PDE4B: variants seen among roughly 807,000 people sequenced by gnomAD.
PDE4B encodes the protein phosphodiesterase 4B, also known as 3',5'-cyclic-AMP phosphodiesterase 4B.
PDE4B carries 20 observed loss-of-function variants against 82.2 expected under a neutral mutation model. The ratio of observed to expected loss-of-function variants is 0.24; its 90% CI spans 0.17 to 0.35. PDE4B has a LOEUF of 0.35. Among genes scored for constraint, PDE4B ranks in the 10% least tolerant of loss-of-function variants. PDE4B has a pLI of 1.00. For synonymous variants in PDE4B, 320 were observed against 318.9 expected (o/e 1.00, Z -0.04); for missense variants, 655 against 907.2 (o/e 0.72, Z 3.57).
intron 1 of PDE4B, among the ~76,000 whole-genome samples, chr1:65,856,615 A>G (rs1055247414): frequency 6.6e-6 from 1 of 152,148 alleles, no homozygotes; most frequent in Non-Finnish European, 1.5e-5. Context: ...AGTCTTTGCT[A>G]TTGTAAATAG....
At chr1:66,307,581 G>A (rs1374073887) in intron 7 of PDE4B, among the ~76,000 whole-genome samples, 1 of 152,112 alleles carries the variant, frequency 6.6e-6, no homozygotes, top group Admixed American at 6.6e-5. Context: ...GTGAATAGTG[G>A]AAATGTCTTG....
intron 2 of PDE4B, 24 bp downstream of exon 2, chr1:65,913,380 A>T: frequency 6.2e-7 from 1 of 1,611,210 alleles, no homozygotes; most frequent in Non-Finnish European, 8.5e-7. Flanking sequence ...GGTCCCAATC[A>T]TGTTTGGTCT....
intron 7 of PDE4B, among the ~76,000 whole-genome samples, chr1:66,290,615 T>A (rs1056976785): frequency 2.0e-5 from 3 of 152,226 alleles, no homozygotes; most frequent in Admixed American, 6.5e-5. Flanking sequence ...GCAAATGGAT[T>A]TTCCACAGCA....
chr1:66,310,094 G>A (rs1658563055), intron 7 of PDE4B, among the ~76,000 whole-genome samples: 1 of 152,164 alleles, frequency 6.6e-6, no homozygotes, highest in South Asian at 2.1e-4. Context: ...GAGGGCCTCT[G>A]ATAGAGGAAC....
rs948532978 is a variant in PDE4B, at chr1:66,191,465, G to A, written c.282-55995G>A. On this transcript the variant is annotated intron_variant, in intron 3 of 16. Transcript: ENST00000341517. ...TTATTAGTAAAATTCATTTTACAATGTATATTTAAAAATTAGCAGAAATTA... is the reference window on the plus strand; with the variant it reads ...TTATTAGTAAAATTCATTTTACAATATATATTTAAAAATTAGCAGAAATTA... Among the ~76,000 whole-genome samples the A allele has an allele frequency of 2.6e-5, 4 of 152,238 alleles. No homozygotes were observed. In the South Asian group the frequency reaches 8.3e-4, roughly 32 times the overall value.
chr1:66,184,679 C>T (rs1331027856), intron 3 of PDE4B, among the ~76,000 whole-genome samples: 1 of 152,048 alleles, frequency 6.6e-6, no homozygotes, highest in Non-Finnish European at 1.5e-5. Flanking sequence ...TTAAATATAA[C>T]GAGGTGTAGA....
chr1:66,286,441 A>G (rs1453536081), intron 7 of PDE4B, among the ~76,000 whole-genome samples: 1 of 152,106 alleles, frequency 6.6e-6, no homozygotes, highest in African/African-American at 2.4e-5. Context: ...TTTTTCCTGC[A>G]TTACTTTCTA....
chr1:66,287,040 T>A (rs143054711), intron 7 of PDE4B, among the ~76,000 whole-genome samples: 32 of 152,270 alleles, frequency 2.1e-4, no homozygotes, highest in African/African-American at 7.5e-4. Flanking sequence ...TGACTATGTG[T>A]GTAGCAGGGT....
At chr1:66,176,353 A>G (rs80340084) in intron 3 of PDE4B, among the ~76,000 whole-genome samples, 2 of 152,184 alleles carry the variant, frequency 1.3e-5, no homozygotes, top group African/African-American at 4.8e-5. Context: ...AGGTCCATCC[A>G]CTCTTGGAAC....
At chr1:65,825,325 G>A (rs1279115040) in intron 1 of PDE4B, among the ~76,000 whole-genome samples, 3 of 152,180 alleles carry the variant, frequency 2.0e-5, no homozygotes, top group Non-Finnish European at 4.4e-5. Flanking sequence ...AAACAATGAG[G>A]TGGTGGAACA....
chr1:65,944,041 A>G (rs1648577400), intron 3 of PDE4B, among the ~76,000 whole-genome samples: 1 of 152,034 alleles, frequency 6.6e-6, no homozygotes, highest in Non-Finnish European at 1.5e-5. Context: ...AGAAGTGGTG[A>G]GAGTGGGCAT....
intron 7 of PDE4B, among the ~76,000 whole-genome samples, chr1:66,271,645 C>T (rs1655487765): frequency 6.6e-6 from 1 of 152,114 alleles, no homozygotes; most frequent in Non-Finnish European, 1.5e-5. Context: ...TAGTTCCGGC[C>T]TTTCTTTCTC....
intron 3 of PDE4B, among the ~76,000 whole-genome samples, chr1:65,927,513 TA>T (rs1477494627): frequency 2.0e-5 from 3 of 147,680 alleles, no homozygotes; most frequent in African/African-American, 7.4e-5. Flanking sequence ...ATAATATATG[TA>T]AATATATATA....
intron 1 of PDE4B, among the ~76,000 whole-genome samples, chr1:65,900,142 T>C (rs751938763): frequency 6.6e-5 from 10 of 152,164 alleles, no homozygotes; most frequent in Non-Finnish European, 1.3e-4. Context: ...TTGTATGTGA[T>C]GAAATGTAGG....
At chr1:66,187,341 G>T (rs993546913) in intron 3 of PDE4B, among the ~76,000 whole-genome samples, 1 of 151,994 alleles carries the variant, frequency 6.6e-6, no homozygotes, top group Non-Finnish European at 1.5e-5. Flanking sequence ...GATGATGCTG[G>T]CCGCATAAAA....
intron 3 of PDE4B, among the ~76,000 whole-genome samples, chr1:66,008,542 T>C (rs1652286063): frequency 6.6e-6 from 1 of 152,142 alleles, no homozygotes. Context: ...TATCCATTTA[T>C]AAACATGCTA....
At chr1:66,208,879 T>C (rs1392882625) in intron 3 of PDE4B, among the ~76,000 whole-genome samples, 1 of 152,200 alleles carries the variant, frequency 6.6e-6, no homozygotes, top group Admixed American at 6.5e-5. Flanking sequence ...GATTATTGTA[T>C]ACACTCCCAT....
intron 1 of PDE4B, among the ~76,000 whole-genome samples, chr1:65,848,767 A>C (rs1646296174): frequency 6.6e-6 from 1 of 152,182 alleles, no homozygotes; most frequent in Non-Finnish European, 1.5e-5. Flanking sequence ...ATATATGACA[A>C]ATCATTCATC....
intron 3 of PDE4B, among the ~76,000 whole-genome samples, chr1:66,184,985 C>A (rs941265626): frequency 2.6e-5 from 4 of 152,046 alleles, no homozygotes; most frequent in Non-Finnish European, 4.4e-5. Context: ...GCTATCCCTC[C>A]CCCCTCCTCC....
Sources: gnomAD v4.1 joint callset for allele counts (sites outside exome capture counted in the v4.1 genomes callset) on GRCh38, gnomAD v4.1.1 for gene constraint, MANE v1.5 for transcripts, NCBI Gene and HGNC (gene_info 2026-07-23, HGNC 2026-07-21) for gene names.